Variants in GRIP1 observed in about 807,000 individuals in gnomAD.
The protein encoded by GRIP1 is glutamate receptor interacting protein 1.
A neutral mutation model predicts 129.9 loss-of-function variants in GRIP1; 45 were observed. The observed-to-expected ratio is 0.35, with a 90% CI of 0.27 to 0.44. The LOEUF (loss-of-function observed/expected upper bound fraction) is 0.44. Ranked by LOEUF, GRIP1 falls within the 20% of genes least tolerant of loss-of-function variation. GRIP1 has a pLI of 1.00. For synonymous variants in GRIP1, 530 were observed against 520.8 expected (o/e 1.02, Z -0.24); for missense variants, 1,196 against 1,396.8 (o/e 0.86, Z 2.29).
intron 13 of GRIP1, among the ~76,000 whole-genome samples, chr12:66,444,159 ACCT>A (rs899989381): frequency 4.5e-4 from 69 of 152,166 alleles, no homozygotes; most frequent in Middle Eastern, 3.4e-3. Flanking sequence ...GACACCCCAA[ACCT>A]CCTAAACAAA....
At chr12:66,534,119 G>T (rs61928465) in intron 4 of GRIP1, among the ~76,000 whole-genome samples, 3 of 152,036 alleles carry the variant, frequency 2.0e-5, no homozygotes, top group Non-Finnish European at 4.4e-5. Flanking sequence ...TCAAGTATCC[G>T]ATTACTTTCT....
intron 5 of GRIP1, among the ~76,000 whole-genome samples, chr12:66,529,178 C>T (rs2061363356): frequency 6.6e-6 from 1 of 152,112 alleles, no homozygotes. Context: ...GGGAACACTT[C>T]TACACTGCTG....
At chr12:66,546,655 A>G (rs2061956247) in intron 2 of GRIP1, among the ~76,000 whole-genome samples, 1 of 152,192 alleles carries the variant, frequency 6.6e-6, no homozygotes, top group Non-Finnish European at 1.5e-5. Context: ...TCAACAAATG[A>G]TGCTGGAGCA....
intron 1 of GRIP1, among the ~76,000 whole-genome samples, chr12:66,864,438 G>A (rs1474724013): frequency 6.6e-6 from 1 of 152,112 alleles, no homozygotes; most frequent in South Asian, 2.1e-4. Context: ...GTTTAGGGCT[G>A]GGTGTGGTGG....
intron 1 of GRIP1, among the ~76,000 whole-genome samples, chr12:66,929,107 C>A (rs181202357): frequency 3.3e-4 from 51 of 152,316 alleles, no homozygotes; most frequent in African/African-American, 1.1e-3. Context: ...ATGCTTCTTC[C>A]AGTCTTTGTG....
intron 7 of GRIP1, among the ~76,000 whole-genome samples, chr12:66,475,600 T>C (rs1190117566): frequency 6.6e-6 from 1 of 152,118 alleles, no homozygotes; most frequent in Non-Finnish European, 1.5e-5. Context: ...TCAGCAAATG[T>C]AAAAGGACAG....
intron 1 of GRIP1, among the ~76,000 whole-genome samples, chr12:66,637,096 C>G (rs540699410): frequency 3.8e-4 from 58 of 152,146 alleles, no homozygotes; most frequent in African/African-American, 1.3e-3. Flanking sequence ...TCCAGGGAAC[C>G]TAGCGTGTGT....
intron 4 of GRIP1, among the ~76,000 whole-genome samples, chr12:66,535,667 ATGT>A (rs1167421769): frequency 4.6e-5 from 7 of 152,208 alleles, no homozygotes; most frequent in African/African-American, 1.2e-4. Flanking sequence ...AAACGAAAAA[ATGT>A]TGTAGCAAGG....
intron 1 of GRIP1, among the ~76,000 whole-genome samples, chr12:66,675,429 T>C (rs892645022): frequency 3.3e-5 from 5 of 152,228 alleles, no homozygotes; most frequent in Admixed American, 2.6e-4. Flanking sequence ...TCTCTGCATA[T>C]GAGGCCAAAC....
chr12:66,428,561 T>C (rs2058055236), intron 14 of GRIP1, among the ~76,000 whole-genome samples: 1 of 152,174 alleles, frequency 6.6e-6, no homozygotes. Flanking sequence ...AATCAGATGG[T>C]GACAGGGATG....
At chr12:66,841,023 A>C (rs1468415894) in intron 1 of GRIP1, among the ~76,000 whole-genome samples, 1 of 152,250 alleles carries the variant, frequency 6.6e-6, no homozygotes, top group Non-Finnish European at 1.5e-5. Context: ...GTTATTTCAA[A>C]TACTAAATGG....
chr12:66,508,080 A>G (rs1245541533), intron 7 of GRIP1, among the ~76,000 whole-genome samples: 2 of 152,222 alleles, frequency 1.3e-5, no homozygotes, highest in Non-Finnish European at 2.9e-5. Context: ...AGAGATTTAC[A>G]GGAATTCAGA....
chr12:66,750,272 G>C (rs2037083273), intron 1 of GRIP1, among the ~76,000 whole-genome samples: 1 of 152,152 alleles, frequency 6.6e-6, no homozygotes, highest in South Asian at 2.1e-4. Context: ...CATGCCAAGG[G>C]TCCCTTGATC....
chr12:67,060,881 C>G (rs1283249851), intron 1 of GRIP1, among the ~76,000 whole-genome samples: 2 of 148,732 alleles, frequency 1.3e-5, no homozygotes, highest in African/African-American at 5.2e-5. Context: ...AATTTTTTCT[C>G]CCTTCAAAAG....
intron 1 of GRIP1, among the ~76,000 whole-genome samples, chr12:67,051,236 T>A (rs963862825): frequency 6.6e-6 from 1 of 152,144 alleles, no homozygotes; most frequent in Non-Finnish European, 1.5e-5. Flanking sequence ...GGGGCTGGAC[T>A]ACAACCTGTG....
chr12:66,885,774 T>C (rs745529501), intron 1 of GRIP1, among the ~76,000 whole-genome samples: 3 of 152,036 alleles, frequency 2.0e-5, no homozygotes, highest in Non-Finnish European at 2.9e-5. Context: ...GAAGAAGAAC[T>C]CTAAAAGCCT....
chr12:66,535,361 T>TA (rs72386203), intron 4 of GRIP1, among the ~76,000 whole-genome samples: 121 of 146,652 alleles, frequency 8.3e-4, no homozygotes, highest in South Asian at 1.3e-3. Context: ...CATTTAAAGT[T>TA]AAAAAAAAAA....
At chr12:66,883,212 T>C (rs534008164) in intron 1 of GRIP1, among the ~76,000 whole-genome samples, 2 of 152,154 alleles carry the variant, frequency 1.3e-5, no homozygotes, top group African/African-American at 4.8e-5. Flanking sequence ...TCCCTCATCT[T>C]CCCCTTTCAC....
intron 1 of GRIP1, among the ~76,000 whole-genome samples, chr12:66,924,643 G>A (rs1046280237): frequency 1.3e-5 from 2 of 152,138 alleles, no homozygotes; most frequent in Admixed American, 6.5e-5. Context: ...CAAAACAAAC[G>A]ATGCCTCACT....
Sources: gnomAD v4.1 joint callset for allele counts (sites outside exome capture counted in the v4.1 genomes callset) on GRCh38, gnomAD v4.1.1 for gene constraint, MANE v1.5 for transcripts, NCBI Gene and HGNC (gene_info 2026-07-23, HGNC 2026-07-21) for gene names.